Variants in CCBE1 observed in about 807,000 individuals in gnomAD.
CCBE1 encodes the protein collagen and calcium-binding EGF domain-containing protein 1.
CCBE1 carries 37 observed loss-of-function variants against 50.0 expected under a neutral mutation model. The observed-to-expected ratio is 0.74, with a 90% CI of 0.57 to 0.97. The LOEUF (loss-of-function observed/expected upper bound fraction) is 0.97, where lower values mean the gene tolerates loss of function less well. CCBE1 is among the 50% of genes least tolerant of loss of function. CCBE1 has a pLI of 0.00. For synonymous variants in CCBE1, 234 were observed against 203.7 expected (o/e 1.15, Z -1.27); for missense variants, 538 against 523.8 (o/e 1.03, Z -0.26).
At chr18:59,617,000 C>T (rs374484025) in intron 2 of CCBE1, among the ~76,000 whole-genome samples, 2 of 152,136 alleles carry the variant, frequency 1.3e-5, no homozygotes, top group Admixed American at 6.5e-5. Context: ...CTTTGCCATA[C>T]GAATCTAGTT....
intron 2 of CCBE1, among the ~76,000 whole-genome samples, chr18:59,530,903 A>G (rs1049950257): frequency 6.6e-6 from 1 of 152,230 alleles, no homozygotes; most frequent in Non-Finnish European, 1.5e-5. Flanking sequence ...TACTGGATCT[A>G]TACTATTTCT....
At chr18:59,671,824 G>C (rs191977054) in intron 2 of CCBE1, among the ~76,000 whole-genome samples, 2 of 146,254 alleles carry the variant, frequency 1.4e-5, no homozygotes, top group Non-Finnish European at 3.0e-5. Flanking sequence ...AAAAAAAAGG[G>C]GGGGGGTAGT....
At chr18:59,590,465 AT>A (rs1221914422) in intron 2 of CCBE1, among the ~76,000 whole-genome samples, 1 of 152,216 alleles carries the variant, frequency 6.6e-6, no homozygotes, top group African/African-American at 2.4e-5. Context: ...TTTCAATAAA[AT>A]TACAAACTCC....
intron 2 of CCBE1, among the ~76,000 whole-genome samples, chr18:59,672,253 A>G (rs1466162518): frequency 6.6e-6 from 1 of 152,182 alleles, no homozygotes; most frequent in Non-Finnish European, 1.5e-5. Context: ...ACCAGTGCAG[A>G]TGACAGTGGT....
chr18:59,600,500 A>G (rs1193720320), intron 2 of CCBE1, among the ~76,000 whole-genome samples: 1 of 152,204 alleles, frequency 6.6e-6, no homozygotes, highest in East Asian at 1.9e-4. Context: ...TGGTCTGTGG[A>G]AAAATTGTCT....
chr18:59,613,522 A>G (rs2053598466), intron 2 of CCBE1, among the ~76,000 whole-genome samples: 1 of 152,220 alleles, frequency 6.6e-6, no homozygotes, highest in Non-Finnish European at 1.5e-5. Flanking sequence ...ATTACACTCA[A>G]TGTTTTAAAC....
rs55881131 is a variant in CCBE1 at position 59,508,711 on chromosome 18, C to CTTTTTTTTTTTT, written c.213-28485_213-28474dup. 2.0e-4 allele frequency among the ~76,000 whole-genome samples: 19 copies of CTTTTTTTTTTTT among 95,684 alleles called. 4 individuals are homozygous for CTTTTTTTTTTTT. The highest frequency in any genetic ancestry group is 3.6e-4 in the African/African-American group (8 of 22,052). The allele number at this position is 95,684 out of a possible 152,430, so 62.8% of individuals were successfully genotyped here. A position where few individuals can be genotyped will look rare whatever the true frequency, so the allele number is the denominator to read the frequency against. On this transcript the variant is annotated intron_variant, in intron 2 of 10. Coordinates refer to ENST00000439986, the MANE Select transcript of CCBE1 (RefSeq NM_133459.4). ...AGCACAGTACACACATAGAGTTACG[C>CTTTTTTTTTTTT]TTTTTTTTTTTTTTTTTTTTTTGAG...
At chr18:59,449,449 C>T (rs535799431) in intron 6 of CCBE1, among the ~76,000 whole-genome samples, 2 of 151,908 alleles carry the variant, frequency 1.3e-5, no homozygotes, top group African/African-American at 4.8e-5. Flanking sequence ...TGGTGGAACA[C>T]TATCTCCACT....
intron 3 of CCBE1, among the ~76,000 whole-genome samples, chr18:59,475,136 C>T (rs4940877): frequency 0.31 from 47,359 of 152,014 alleles, 7,903 homozygotes; most frequent in African/African-American, 0.42. Context: ...TTTATCTTTA[C>T]AGTGTATCTA....
At chr18:59,520,377 G>A (rs1914547029) in intron 2 of CCBE1, among the ~76,000 whole-genome samples, 1 of 152,094 alleles carries the variant, frequency 6.6e-6, no homozygotes, top group South Asian at 2.1e-4. Flanking sequence ...TCTTGAAGAC[G>A]TTCCTTTGCA....
chr18:59,489,396 T>TC (rs1250975796), intron 2 of CCBE1, among the ~76,000 whole-genome samples: 2 of 150,254 alleles, frequency 1.3e-5, no homozygotes, highest in Non-Finnish European at 3.0e-5. Context: ...TGATTAACTT[T>TC]CTTATTTTTC....
chr18:59,476,193 T>G (rs1340100410), intron 3 of CCBE1, among the ~76,000 whole-genome samples: 1 of 152,150 alleles, frequency 6.6e-6, no homozygotes, highest in Non-Finnish European at 1.5e-5. Context: ...ATACCCACAC[T>G]TCATGGTGCT....
intron 2 of CCBE1, among the ~76,000 whole-genome samples, chr18:59,588,327 C>T (rs2053207919): frequency 1.3e-5 from 2 of 151,794 alleles, no homozygotes; most frequent in African/African-American, 2.4e-5. Context: ...TTGGGAAGGC[C>T]GAAATGCGAG....
intron 2 of CCBE1, among the ~76,000 whole-genome samples, chr18:59,603,133 G>A (rs1177937429): frequency 6.6e-6 from 1 of 152,194 alleles, no homozygotes; most frequent in African/African-American, 2.4e-5. Flanking sequence ...AAAAAATCCA[G>A]TGTGTGTATC....
At chr18:59,622,108 A>G (rs1292712696) in intron 2 of CCBE1, among the ~76,000 whole-genome samples, 7 of 152,102 alleles carry the variant, frequency 4.6e-5, no homozygotes, top group Non-Finnish European at 1.0e-4. Context: ...GCATCTGCTC[A>G]CCCAAGTGAT....
chr18:59,654,306 G>A (rs371667886), intron 2 of CCBE1, among the ~76,000 whole-genome samples: 9 of 152,194 alleles, frequency 5.9e-5, no homozygotes, highest in East Asian at 3.8e-4. Context: ...GGGCACACGC[G>A]TATGTGTGGC....
intron 2 of CCBE1, among the ~76,000 whole-genome samples, chr18:59,500,667 G>T (rs924817303): frequency 1.3e-5 from 2 of 152,136 alleles, no homozygotes; most frequent in African/African-American, 2.4e-5. Flanking sequence ...GAGGGTTTGT[G>T]GTAGAAACAG....
At chr18:59,588,128 G>A (rs1315370049) in intron 2 of CCBE1, among the ~76,000 whole-genome samples, 2 of 152,094 alleles carry the variant, frequency 1.3e-5, no homozygotes, top group African/African-American at 4.8e-5. Context: ...TAGCTCAAAG[G>A]GCCAAGAATA....
chr18:59,628,670 T>C (rs531287542), intron 2 of CCBE1, among the ~76,000 whole-genome samples: 1 of 152,270 alleles, frequency 6.6e-6, no homozygotes, highest in South Asian at 2.1e-4. Context: ...GACAATCAAG[T>C]AGCCTTGGGA....
Sources: allele counts gnomAD v4.1 joint callset (sites outside exome capture counted in the v4.1 genomes callset), GRCh38; gene constraint gnomAD v4.1.1; transcripts MANE v1.5; gene names NCBI Gene and HGNC (gene_info 2026-07-23, HGNC 2026-07-21).